The following VAPA variants were observed in gnomAD, a reference collection of about 807,000 sequenced individuals.
VAPA encodes the protein VAMP associated protein A, also known as vesicle-associated membrane protein-associated protein A.
A neutral mutation model predicts 25.6 loss-of-function variants in VAPA; 6 were observed. The observed-to-expected ratio is 0.23, with a 90% CI of 0.13 to 0.46. The LOEUF (loss-of-function observed/expected upper bound fraction) is 0.46, where lower values mean the gene tolerates loss of function less well. Ranked by LOEUF, VAPA falls within the 20% of genes least tolerant of loss-of-function variation. The pLI is 0.99. For synonymous variants in VAPA, 112 were observed against 106.2 expected (o/e 1.05, Z -0.34); for missense variants, 244 against 302.1 (o/e 0.81, Z 1.43).
In VAPA at chr18:9,959,097, G is replaced by A. The variant is rs907782445; in HGVS notation, c.*4886G>A. ...CTATGGAATAGGGGAGACGGGTTTA[G>A]ACAGGTTCAATTAGCTCAAGTCTAC... On this transcript the variant is annotated 3_prime_UTR_variant, in exon 6 of 6. Coordinates refer to ENST00000400000, the MANE Select transcript of VAPA (RefSeq NM_194434.3). The A allele has an allele frequency of 2.0e-5, 3 of 152,124 alleles. No homozygotes were observed. Among genetic ancestry groups the A allele is most frequent in the African/African-American group, 7.2e-5 (3 of 41,432 alleles). The allele number at this position is 152,124 out of a possible 1,614,324, so 9.4% of individuals were successfully genotyped here.
chr18:9,936,563 CAAACAAA>C (rs1164797719), intron 3 of VAPA: 5 of 199,050 alleles, frequency 2.5e-5, no homozygotes, highest in African/African-American at 4.7e-5. Flanking sequence ...AACAAACAAA[CAAACAAA>C]AAACAAAAAA....
At chr18:9,937,441 A>G (rs998796089) in intron 4 of VAPA, among the ~76,000 whole-genome samples, 22 of 152,136 alleles carry the variant, frequency 1.4e-4, no homozygotes, top group Non-Finnish European at 2.4e-4. Context: ...TTGGGGATAA[A>G]TTCACTTACA....
intron 1 of VAPA, chr18:9,915,842 G>A (rs900455604): frequency 6.6e-6 from 1 of 152,216 alleles, no homozygotes; most frequent in Non-Finnish European, 1.5e-5. Context: ...GTTTTAAGGT[G>A]CAGTGAATGT....
intron 1 of VAPA, among the ~76,000 whole-genome samples, chr18:9,922,596 T>C (rs1234424084): frequency 2.0e-5 from 3 of 152,092 alleles, no homozygotes; most frequent in Non-Finnish European, 4.4e-5. Context: ...AAAATTTTGA[T>C]GGCTCACCTT....
chr18:9,917,100 T>C (rs1264949035), intron 1 of VAPA, among the ~76,000 whole-genome samples: 1 of 152,210 alleles, frequency 6.6e-6, no homozygotes, highest in African/African-American at 2.4e-5. Flanking sequence ...CTGAAGTAGA[T>C]CACTTGTGTT....
intron 1 of VAPA, among the ~76,000 whole-genome samples, chr18:9,929,383 CTTTTTTGAAGAT>C (rs2069230466): frequency 6.6e-6 from 1 of 152,062 alleles, no homozygotes; most frequent in South Asian, 2.1e-4. Flanking sequence ...TATAACTTCT[CTTTTTTGAAGAT>C]CTTAAGGTAG....
chr18:9,944,348 C>T (rs1398414430), intron 4 of VAPA, among the ~76,000 whole-genome samples: 1 of 151,938 alleles, frequency 6.6e-6, no homozygotes, highest in Non-Finnish European at 1.5e-5. Flanking sequence ...CCTTTCCCAC[C>T]TGTTTGTATA....
chr18:9,935,962 A>G (rs1384869032), intron 2 of VAPA, 148 bp from the exon 3 acceptor site: 4 of 445,162 alleles, frequency 9.0e-6, no homozygotes, highest in African/African-American at 4.1e-5. Flanking sequence ...TTAAATTTGC[A>G]TATTTGTGAA....
chr18:9,915,247 G>C lies in VAPA; in HGVS notation c.79+912G>C, dbSNP rs1002658931. 3.3e-5 allele frequency among the ~76,000 whole-genome samples: 5 copies of C among 152,176 alleles called. 1 individual carries two copies. The highest frequency in any genetic ancestry group is 2.9e-5 in the Non-Finnish European group (2 of 68,046). On this transcript the variant is annotated intron_variant, in intron 1 of 5. Coordinates refer to ENST00000400000, the MANE Select transcript of VAPA (RefSeq NM_194434.3). ...GTGACTTTTTTGCTTTTACGTTTGC[G>C]GTTTCCGACAGATCCTGAGAAGGCT...
At chr18:9,935,465 T>G (rs1414492636) in intron 2 of VAPA, among the ~76,000 whole-genome samples, 1 of 152,110 alleles carries the variant, frequency 6.6e-6, no homozygotes, top group Non-Finnish European at 1.5e-5. Context: ...TCTTAGCTAT[T>G]TAGGAGCCTG....
intron 4 of VAPA, among the ~76,000 whole-genome samples, chr18:9,938,185 T>C (rs1395310917): frequency 6.6e-6 from 1 of 152,206 alleles, no homozygotes; most frequent in Non-Finnish European, 1.5e-5. Context: ...GTTGTCTGGA[T>C]TGACTTTTTA....
At chr18:9,926,572 T>C (rs939929139) in intron 1 of VAPA, among the ~76,000 whole-genome samples, 1 of 152,144 alleles carries the variant, frequency 6.6e-6, no homozygotes, top group Non-Finnish European at 1.5e-5. Context: ...TTTATATTTG[T>C]GTTGTTTTCC....
chr18:9,945,463 GA>G (rs2069413508), intron 4 of VAPA, among the ~76,000 whole-genome samples: 1 of 142,336 alleles, frequency 7.0e-6, no homozygotes. Context: ...CGGTTCAAGG[GA>G]TTCTCCCACC....
intron 2 of VAPA, among the ~76,000 whole-genome samples, chr18:9,933,497 T>G (rs910045750): frequency 6.6e-6 from 1 of 152,226 alleles, no homozygotes; most frequent in Non-Finnish European, 1.5e-5. Context: ...TGTTGCTGCT[T>G]TCTACTACAT....
chr18:9,946,838 CTG>C (rs1198033034), intron 4 of VAPA, among the ~76,000 whole-genome samples: 1 of 152,174 alleles, frequency 6.6e-6, no homozygotes, highest in Non-Finnish European at 1.5e-5. Context: ...ACTTCATAAA[CTG>C]TAAAATTAAA....
chr18:9,929,026 C>G (rs777989778), intron 1 of VAPA, among the ~76,000 whole-genome samples: 5 of 152,142 alleles, frequency 3.3e-5, no homozygotes, highest in Non-Finnish European at 5.9e-5. Flanking sequence ...CAGATGCCTG[C>G]TGACTAATTC....
intron 1 of VAPA, among the ~76,000 whole-genome samples, chr18:9,931,043 A>G (rs561422955): frequency 4.7e-4 from 72 of 152,204 alleles, no homozygotes; most frequent in African/African-American, 1.6e-3. Flanking sequence ...ATAACTTTAA[A>G]CGAATTGTTT....
At position 9,930,705 on chromosome 18, in the gene VAPA, A is replaced by C. The variant is rs1279921052; in HGVS notation, c.80-1105A>C. ...CATATGTATGCTTTTTTTTTAAAAAAAAAATGCAGACCTGTTAGTTATATT... is the reference window on the plus strand; with the variant it reads ...CATATGTATGCTTTTTTTTTAAAAACAAAATGCAGACCTGTTAGTTATATT... On this transcript the variant is annotated intron_variant, in intron 1 of 5. Coordinates refer to ENST00000400000, the MANE Select transcript of VAPA (RefSeq NM_194434.3). Among the ~76,000 whole-genome samples, 5 of 152,084 alleles carry C rather than the reference A, an allele frequency of 3.3e-5. No individual in the cohort carries two copies. The East Asian group carries it at 9.7e-4, about 29-fold the overall frequency.
chr18:9,921,881 C>T (rs921748528), intron 1 of VAPA, among the ~76,000 whole-genome samples: 3 of 151,984 alleles, frequency 2.0e-5, no homozygotes, highest in African/African-American at 7.3e-5. Flanking sequence ...TAATATGAAC[C>T]TCAGTATGCG....
Sources: allele counts gnomAD v4.1 joint callset (sites outside exome capture counted in the v4.1 genomes callset), GRCh38; gene constraint gnomAD v4.1.1; transcripts MANE v1.5; gene names NCBI Gene and HGNC (gene_info 2026-07-23, HGNC 2026-07-21).